The following TENM2 variants were observed in gnomAD, a reference collection of about 807,000 sequenced individuals.
TENM2 encodes the protein teneurin-2.
TENM2 carries 52 observed loss-of-function variants against 245.2 expected under a neutral mutation model. That is an observed-to-expected ratio of 0.21 (90% confidence interval 0.17 to 0.27). The LOEUF (loss-of-function observed/expected upper bound fraction) is 0.27. TENM2 is among the 10% of genes least tolerant of loss of function. The pLI is 1.00. For missense variants in TENM2, 3,046 were observed against 3,666.8 expected, an observed-to-expected ratio of 0.83 and a Z score of 4.37; for synonymous variants, 1,363 against 1,438.9, an observed-to-expected ratio of 0.95 and a Z score of 1.19.
chr5:167,331,941 A>C (rs1177524551), intron 1 of TENM2, among the ~76,000 whole-genome samples: 1 of 152,216 alleles, frequency 6.6e-6, no homozygotes, highest in East Asian at 1.9e-4. Context: ...AAAAAAATCA[A>C]GATAGCATTT....
chr5:167,334,548 C>T (rs1757645021), intron 1 of TENM2, among the ~76,000 whole-genome samples: 1 of 152,162 alleles, frequency 6.6e-6, no homozygotes, highest in Non-Finnish European at 1.5e-5. Context: ...CAGGAATTCT[C>T]ATTCAATAGT....
At chr5:167,022,203 A>G in the TENM2 span, among the ~76,000 whole-genome samples, 3 of 152,244 alleles carry the variant, frequency 2.0e-5, no homozygotes, top group African/African-American at 7.2e-5. Context: ...CCAAAGAAAC[A>G]GAAACACAGT....
At chr5:167,179,779 G>C in the TENM2 span, among the ~76,000 whole-genome samples, 3 of 152,118 alleles carry the variant, frequency 2.0e-5, no homozygotes, top group Non-Finnish European at 4.4e-5. Flanking sequence ...AAAGTTTCAG[G>C]TCCTTAGCCC....
chr5:167,332,096 C>A (rs1484791676), intron 1 of TENM2, among the ~76,000 whole-genome samples: 1 of 152,062 alleles, frequency 6.6e-6, no homozygotes, highest in Non-Finnish European at 1.5e-5. Flanking sequence ...ATGAAATAAT[C>A]CCCTATCCAC....
At chr5:167,615,227 T>A (rs1317518373) in intron 2 of TENM2, among the ~76,000 whole-genome samples, 1 of 151,992 alleles carries the variant, frequency 6.6e-6, no homozygotes. Context: ...GTGGGGTGAA[T>A]TTTTTTTCTA....
chr5:167,301,000 A>G (rs986858497), intron 1 of TENM2, among the ~76,000 whole-genome samples: 12 of 152,154 alleles, frequency 7.9e-5, no homozygotes, highest in African/African-American at 2.4e-4. Context: ...TATGGAGGCA[A>G]GGGAACAGCC....
chr5:167,962,475 A>G (rs540293039), intron 4 of TENM2, among the ~76,000 whole-genome samples: 2 of 152,346 alleles, frequency 1.3e-5, no homozygotes, highest in East Asian at 3.9e-4. Flanking sequence ...AGTCTCATGT[A>G]TGAAAATTCT....
the TENM2 span, among the ~76,000 whole-genome samples, chr5:167,084,262 C>T: frequency 2.2e-5 from 3 of 134,204 alleles, no homozygotes; most frequent in Non-Finnish European, 4.7e-5. Flanking sequence ...TTTGTGTATC[C>T]AAGATTTTGG....
chr5:167,647,255 T>G (rs1267512628), intron 2 of TENM2, among the ~76,000 whole-genome samples: 1 of 152,096 alleles, frequency 6.6e-6, no homozygotes, highest in African/African-American at 2.4e-5. Context: ...ACGGTGGGGT[T>G]AAAGATCCAA....
intron 4 of TENM2, among the ~76,000 whole-genome samples, chr5:167,953,136 A>G (rs963302411): frequency 6.6e-6 from 1 of 152,198 alleles, no homozygotes; most frequent in Non-Finnish European, 1.5e-5. Flanking sequence ...ATAAGGGTAT[A>G]TTGACTGAAA....
chr5:167,312,146 TTAGA>T (rs1235962127), intron 1 of TENM2, among the ~76,000 whole-genome samples: 2 of 152,204 alleles, frequency 1.3e-5, no homozygotes, highest in Non-Finnish European at 2.9e-5. Context: ...TATACGTATG[TTAGA>T]TATATATTAT....
intron 5 of TENM2, among the ~76,000 whole-genome samples, chr5:168,006,650 G>A (rs1354902286): frequency 6.6e-6 from 1 of 152,154 alleles, no homozygotes; most frequent in African/African-American, 2.4e-5. Flanking sequence ...AATAGAAATA[G>A]CTTTTTCATT....
At chr5:167,240,148 G>A in the TENM2 span, among the ~76,000 whole-genome samples, 2 of 152,178 alleles carry the variant, frequency 1.3e-5, no homozygotes, top group East Asian at 3.9e-4. Flanking sequence ...TGTATTTTCT[G>A]ATACTGGGGC....
the TENM2 span, among the ~76,000 whole-genome samples, chr5:167,062,735 C>G: frequency 6.6e-6 from 1 of 152,118 alleles, no homozygotes; most frequent in Non-Finnish European, 1.5e-5. Context: ...AATAATTTCA[C>G]ATAGCAATAA....
At chr5:167,159,318 A>G in the TENM2 span, among the ~76,000 whole-genome samples, 1 of 152,084 alleles carries the variant, frequency 6.6e-6, no homozygotes, top group South Asian at 2.1e-4. Flanking sequence ...TTTATTTGTT[A>G]AATAAATTGG....
intron 8 of TENM2, among the ~76,000 whole-genome samples, chr5:168,092,824 G>A (rs1158649675): frequency 6.6e-6 from 1 of 152,240 alleles, no homozygotes; most frequent in Admixed American, 6.5e-5. Flanking sequence ...AGCTGGCTCA[G>A]CTGGGGTCTA....
chr5:167,356,051 G>A (rs918162361), intron 1 of TENM2, among the ~76,000 whole-genome samples: 2 of 150,826 alleles, frequency 1.3e-5, no homozygotes, highest in African/African-American at 4.9e-5. Context: ...GCATGATGGC[G>A]GGTGCCTGTA....
chr5:167,116,282 C>G, the TENM2 span: 3 of 152,162 alleles, frequency 2.0e-5, no homozygotes, highest in Non-Finnish European at 4.4e-5. Context: ...CTCAGATTGC[C>G]GTACAGTTCC....
At chr5:167,829,272 AG>A (rs1768256933) in intron 2 of TENM2, among the ~76,000 whole-genome samples, 1 of 152,244 alleles carries the variant, frequency 6.6e-6, no homozygotes, top group African/African-American at 2.4e-5. Flanking sequence ...ACCTACAGTG[AG>A]ACACCAGCCT....
Sources: gnomAD v4.1 joint callset for allele counts (sites outside exome capture counted in the v4.1 genomes callset) on GRCh38, gnomAD v4.1.1 for gene constraint, MANE v1.5 for transcripts, NCBI Gene and HGNC (gene_info 2026-07-23, HGNC 2026-07-21) for gene names.